Variants in CD200R1 observed in about 807,000 individuals in gnomAD.
CD200R1 encodes the protein cell surface glycoprotein CD200 receptor 1.
In CD200R1, 30 loss-of-function variants were observed where a neutral mutation model predicts 38.1. The observed-to-expected ratio is 0.79, with a 90% CI of 0.59 to 1.07. CD200R1 has a LOEUF of 1.07. Among genes scored for constraint, CD200R1 ranks in the 50% least tolerant of loss-of-function variants. CD200R1 has a pLI of 0.00. For missense variants in CD200R1, 372 were observed against 415.4 expected, an observed-to-expected ratio of 0.90 and a Z score of 0.91; for synonymous variants, 128 against 152.1, an observed-to-expected ratio of 0.84 and a Z score of 1.16.
rs753731582 is a variant in CD200R1 at position 112,929,059 on chromosome 3, G to A, written c.526C>T (p.Pro176Ser). Residue 176 changes from proline to serine, a missense_variant, in exon 5 of 8, where the codon CCT (proline) becomes TCT (serine). By Grantham distance (74) the Pro-to-Ser change is moderately conservative. Transcript: ENST00000308611. ...RGYHLQVLVT[P>S]EVTLFQNRNR... is the part of the protein sequence containing the mutation. ...CTGTTTTGAAACAGGGTCACTTCAG[G>A]TGTAACTGCAGAGAGGAAAGAGGGA... is the stretch of plus-strand genomic sequence containing the variant. 6 of 1,613,796 alleles carry A rather than the reference G, an allele frequency of 3.7e-6. No individual in the cohort carries two copies. The South Asian group carries it at 6.6e-5, about 18-fold the overall frequency.
At chr3:112,943,429 A>T (rs1407220129) in intron 2 of CD200R1, among the ~76,000 whole-genome samples, 1 of 151,778 alleles carries the variant, frequency 6.6e-6, no homozygotes, top group Non-Finnish European at 1.5e-5. Context: ...TTTTTAAATA[A>T]ATGAAAATGA....
chr3:112,927,196 G>A (rs893798962), intron 5 of CD200R1, among the ~76,000 whole-genome samples: 14 of 151,594 alleles, frequency 9.2e-5, no homozygotes, highest in African/African-American at 3.1e-4. Flanking sequence ...ATACCAGACT[G>A]AAGAGAGGTA....
intron 1 of CD200R1, among the ~76,000 whole-genome samples, chr3:112,963,333 G>A (rs1034891732): frequency 6.6e-6 from 1 of 152,186 alleles, no homozygotes; most frequent in Non-Finnish European, 1.5e-5. Flanking sequence ...GGAGGGCTCA[G>A]AAGAAGAAAG....
At chr3:112,955,790 A>AT (rs34965649) in intron 1 of CD200R1, among the ~76,000 whole-genome samples, 4,623 of 119,736 alleles carry the variant, frequency 0.039, 194 homozygotes, top group East Asian at 0.25. Flanking sequence ...AGGGTTTTTC[A>AT]TTTTTTTTTT....
At position 112,922,496 on chromosome 3, in the gene CD200R1, A is replaced by G. The variant is rs1184794761; in HGVS notation, c.*1181T>C. 2 of 151,892 alleles carry G rather than the reference A, an allele frequency of 1.3e-5. No homozygotes were observed. Among genetic ancestry groups the G allele is most frequent in the African/African-American group, 4.8e-5 (2 of 41,390 alleles). The allele number at this position is 151,892 out of a possible 1,614,324, so 9.4% of individuals were successfully genotyped here. A position where few individuals can be genotyped will look rare whatever the true frequency, so the allele number is the denominator to read the frequency against. Reference sequence around the variant, plus strand: ...CTATGGTGCATTTTTCGCCACTTATATGGTCAATAGACATTAATTATTCAA... The same window carrying G: ...CTATGGTGCATTTTTCGCCACTTATGTGGTCAATAGACATTAATTATTCAA... On this transcript the variant is annotated 3_prime_UTR_variant, in exon 8 of 8. Coordinates refer to ENST00000308611, the MANE Select transcript of CD200R1 (RefSeq NM_138806.4).
Position 112,929,492 on chromosome 3 carries a change from G to T in CD200R1, c.218C>A (p.Pro73His). 2 of 1,611,816 alleles carry T rather than the reference G, an allele frequency of 1.2e-6. No homozygotes were observed. Among genetic ancestry groups the T allele is most frequent in the Non-Finnish European group, 1.7e-6 (2 of 1,179,260 alleles). Residue 73 changes from proline to histidine, a missense_variant, in exon 4 of 8, where the codon CCT becomes CAT. Transcript: ENST00000308611. ...KVLAEVNTSW[P>H]VKMATNAVLC... ...CACAGCATTTGTAGCCATCTTTACA[G>T]GCCATGAAGTGTTAACTGGACATGA...
chr3:112,964,239 G>A (rs1933098445), intron 1 of CD200R1, among the ~76,000 whole-genome samples: 1 of 152,214 alleles, frequency 6.6e-6, no homozygotes, highest in African/African-American at 2.4e-5. Context: ...TCCCTACTGA[G>A]GCACTGCCTA....
chr3:112,945,393 TAGAG>T (rs1453920615), intron 2 of CD200R1, among the ~76,000 whole-genome samples: 5 of 152,184 alleles, frequency 3.3e-5, no homozygotes, highest in African/African-American at 9.6e-5. Flanking sequence ...TGAAACCAAA[TAGAG>T]AGCCCAGAAA....
At chr3:112,969,126 C>G (rs1300351168) in intron 1 of CD200R1, among the ~76,000 whole-genome samples, 1 of 151,818 alleles carries the variant, frequency 6.6e-6, no homozygotes, top group African/African-American at 2.4e-5. Context: ...AGAAAAAAAA[C>G]TTTTAACAAA....
intron 3 of CD200R1, among the ~76,000 whole-genome samples, chr3:112,929,902 T>C (rs1361619915): frequency 6.6e-6 from 1 of 152,098 alleles, no homozygotes; most frequent in Admixed American, 6.6e-5. Context: ...AATGGAACAA[T>C]TAGTGATGTG....
chr3:112,943,909 T>G (rs754372403), intron 2 of CD200R1, among the ~76,000 whole-genome samples: 3 of 151,784 alleles, frequency 2.0e-5, no homozygotes, highest in Non-Finnish European at 4.4e-5. Context: ...AATTTGGCAG[T>G]TTAAACAGGA....
chr3:112,974,532 A>G (rs1933393208), intron 1 of CD200R1, among the ~76,000 whole-genome samples: 1 of 152,148 alleles, frequency 6.6e-6, no homozygotes, highest in African/African-American at 2.4e-5. Flanking sequence ...TGTTCAAAAA[A>G]CAGGAGGAAA....
rs552394924 is a variant in CD200R1 at position 112,921,337 on chromosome 3, A to T, written c.*2340T>A. 5.1e-4 allele frequency: 77 copies of T among 152,182 alleles called. No individual in the cohort carries two copies. Among genetic ancestry groups the T allele is most frequent in the African/African-American group, 1.8e-3 (74 of 41,550 alleles). 9.4% of individuals were successfully genotyped at this position (152,182 alleles called of 1,614,324 possible). On this transcript the variant is annotated 3_prime_UTR_variant, in exon 8 of 8. Transcript: ENST00000308611. Reference sequence around the variant, plus strand: ...TTTAACAAACTGTACACTTAAATATATCAATTATATCTCAGTAAAGCCGTT... The same window carrying T: ...TTTAACAAACTGTACACTTAAATATTTCAATTATATCTCAGTAAAGCCGTT...
At chr3:112,929,156 G>T (rs1289236594) in intron 4 of CD200R1, 34 bp downstream of exon 4, 1 of 1,613,054 alleles carries the variant, frequency 6.2e-7, no homozygotes, top group Non-Finnish European at 8.5e-7. Context: ...CAAATCTGGT[G>T]ATGTGAAATA....
chr3:112,928,860 G>C lies in CD200R1; in HGVS notation c.725C>G (p.Ser242Cys). 3 of 1,613,856 alleles carry C rather than the reference G, an allele frequency of 1.9e-6. No individual in the cohort carries two copies. The highest frequency in any genetic ancestry group is 2.5e-6 in the Non-Finnish European group (3 of 1,179,950). Residue 242 changes from serine to cysteine, a missense_variant, in exon 5 of 8, where the codon TCC (serine) becomes TGC (cysteine). Ser to Cys is a moderately radical substitution (Grantham distance 112). Coordinates refer to ENST00000308611, the MANE Select transcript of CD200R1 (RefSeq NM_138806.4). Reference sequence around the variant, plus strand: ...CAGACTCTTGTTGCCAGTCAAATGGGAGACGTGGCAGGTCACGGTAGACAC... The same window carrying C: ...CAGACTCTTGTTGCCAGTCAAATGGCAGACGTGGCAGGTCACGGTAGACAC... ...HNVSTVTCHVSHLTGNKSLYI... is the reference protein window; with the variant it reads ...HNVSTVTCHVCHLTGNKSLYI...
intron 2 of CD200R1, among the ~76,000 whole-genome samples, chr3:112,942,942 C>A (rs1576137939): frequency 6.6e-6 from 1 of 151,674 alleles, no homozygotes. Flanking sequence ...TAATCCTTAA[C>A]ATATGTGCAC....
Position 112,934,810 on chromosome 3 carries a change from A to T in CD200R1, c.137-3639T>A, listed in dbSNP as rs527534165. Among the ~76,000 whole-genome samples, 104 of 152,254 alleles carry T rather than the reference A, an allele frequency of 6.8e-4. 2 individuals carry two copies. Among genetic ancestry groups the T allele is most frequent in the African/African-American group, 2.4e-3 (99 of 41,546 alleles). ...ATGCCATTGCACTCCAGCCTGGGTG[A>T]CAAGAGCGAAACTCCATCTCAAAAA... is the stretch of plus-strand genomic sequence containing the variant. On this transcript the variant is annotated intron_variant, in intron 2 of 7. Transcript: ENST00000308611.
At chr3:112,931,312 CAG>C in intron 2 of CD200R1, 141 bp from the exon 3 acceptor site, 1 of 573,390 alleles carries the variant, frequency 1.7e-6, no homozygotes, top group Non-Finnish European at 3.1e-6. Flanking sequence ...CATTGTAAAA[CAG>C]AAATTAGAAG....
chr3:112,965,416 A>C (rs1346383727), intron 1 of CD200R1, among the ~76,000 whole-genome samples: 1 of 152,192 alleles, frequency 6.6e-6, no homozygotes, highest in Non-Finnish European at 1.5e-5. Flanking sequence ...CTTTCATGTT[A>C]AACTTGAAAG....
Sources: allele counts gnomAD v4.1 joint callset (sites outside exome capture counted in the v4.1 genomes callset), GRCh38; gene constraint gnomAD v4.1.1; transcripts MANE v1.5; gene names NCBI Gene and HGNC (gene_info 2026-07-23, HGNC 2026-07-21).